The following PRKG1 variants were observed in gnomAD, a reference collection of about 807,000 sequenced individuals.
PRKG1 encodes protein kinase cGMP-dependent 1.
Under a neutral mutation model 88.1 loss-of-function variants are expected in PRKG1, and 35 were observed. That is an observed-to-expected ratio of 0.40 (90% confidence interval 0.30 to 0.53). PRKG1 has a LOEUF of 0.53. Among genes scored for constraint, PRKG1 ranks in the 20% least tolerant of loss-of-function variants. The pLI, the probability that PRKG1 is intolerant of heterozygous loss-of-function variation, is 0.59. For synonymous variants in PRKG1, 303 were observed against 292.5 expected (o/e 1.04, Z -0.37); for missense variants, 540 against 839.8 (o/e 0.64, Z 4.41).
chr10:51,728,276 A>G (rs886530551), intron 3 of PRKG1, among the ~76,000 whole-genome samples: 1 of 152,196 alleles, frequency 6.6e-6, no homozygotes, highest in South Asian at 2.1e-4. Context: ...GATATTGCCT[A>G]TAATGCCCCC....
chr10:52,232,618 G>T (rs2132354374), intron 9 of PRKG1, among the ~76,000 whole-genome samples: 1 of 152,222 alleles, frequency 6.6e-6, no homozygotes, highest in South Asian at 2.1e-4. Flanking sequence ...TTTACATTAA[G>T]GTTGGTTCAT....
At chr10:51,542,312 T>G (rs757205455) in intron 3 of PRKG1, among the ~76,000 whole-genome samples, 1 of 152,168 alleles carries the variant, frequency 6.6e-6, no homozygotes, top group Non-Finnish European at 1.5e-5. Context: ...GTTCCGTGTC[T>G]TGTAAGTCCT....
chr10:51,198,588 A>G (rs1245183505), intron 2 of PRKG1, among the ~76,000 whole-genome samples: 5 of 152,250 alleles, frequency 3.3e-5, no homozygotes, highest in African/African-American at 1.2e-4. Flanking sequence ...TAAAGTATCT[A>G]TGAAAATTGC....
chr10:51,259,618 C>T (rs1458894079), intron 2 of PRKG1, among the ~76,000 whole-genome samples: 4 of 152,068 alleles, frequency 2.6e-5, no homozygotes, highest in South Asian at 2.1e-4. Context: ...GGATTATAGG[C>T]GTGTGTCACC....
intron 9 of PRKG1, among the ~76,000 whole-genome samples, chr10:52,235,500 G>T (rs1840657477): frequency 6.7e-6 from 1 of 150,232 alleles, no homozygotes; most frequent in Non-Finnish European, 1.5e-5. Flanking sequence ...AACAAAAAAA[G>T]GCAGGGGTTG....
intron 9 of PRKG1, among the ~76,000 whole-genome samples, chr10:52,241,174 G>T (rs530633945): frequency 1.3e-5 from 2 of 152,052 alleles, no homozygotes; most frequent in Admixed American, 6.5e-5. Context: ...CCTGTTTTGC[G>T]TACCAGGAGT....
chr10:51,412,799 C>G (rs1454195819), intron 2 of PRKG1, among the ~76,000 whole-genome samples: 1 of 152,074 alleles, frequency 6.6e-6, no homozygotes, highest in African/African-American at 2.4e-5. Flanking sequence ...GTCCCAGTTC[C>G]CCTGTGCTGA....
In PRKG1 at chr10:51,717,756, C is replaced by G. The variant is rs567061064; in HGVS notation, c.593-86829C>G. Among the ~76,000 whole-genome samples the G allele has an allele frequency of 1.5e-4, 23 of 151,410 alleles. No homozygotes were observed. In the South Asian group the frequency reaches 4.6e-3, roughly 30 times the overall value. On this transcript the variant is annotated intron_variant, in intron 3 of 17. Coordinates refer to ENST00000373980, the MANE Select transcript of PRKG1 (RefSeq NM_006258.4). Reference sequence around the variant, plus strand: ...CTGAGGCTGGAGAATGGCGTGAACCCGGGAGGCGGAGCTTCCACTGAGCTG... The same window carrying G: ...CTGAGGCTGGAGAATGGCGTGAACCGGGGAGGCGGAGCTTCCACTGAGCTG...
At chr10:51,392,754 CGG>C in intron 2 of PRKG1, among the ~76,000 whole-genome samples, 1 of 135,220 alleles carries the variant, frequency 7.4e-6, no homozygotes, top group Non-Finnish European at 1.7e-5. Context: ...GCTGGCCGGG[CGG>C]GGGGCTGACC....
At chr10:51,904,796 T>C (rs11000028) in intron 4 of PRKG1, among the ~76,000 whole-genome samples, 38,478 of 151,994 alleles carry the variant, frequency 0.25, 5,569 homozygotes, top group African/African-American at 0.35. Flanking sequence ...TGAAAGATGA[T>C]ATATTTAAAA....
At chr10:51,903,629 C>G (rs1281376669) in intron 4 of PRKG1, among the ~76,000 whole-genome samples, 1 of 151,228 alleles carries the variant, frequency 6.6e-6, no homozygotes, top group Non-Finnish European at 1.5e-5. Context: ...TCCAGACTTT[C>G]AATTTATTTG....
intron 2 of PRKG1, among the ~76,000 whole-genome samples, chr10:51,192,481 G>T (rs1589232770): frequency 1.3e-5 from 2 of 151,976 alleles, no homozygotes; most frequent in East Asian, 3.9e-4. Flanking sequence ...ATGTAGTCTG[G>T]ACTTTTATTT....
intron 2 of PRKG1, among the ~76,000 whole-genome samples, chr10:51,369,224 A>T (rs924340332): frequency 4.6e-5 from 7 of 152,066 alleles, no homozygotes; most frequent in Non-Finnish European, 7.4e-5. Context: ...GAAGAATACC[A>T]TAGACTAGGT....
chr10:51,858,611 T>C (rs1840781636), intron 4 of PRKG1, among the ~76,000 whole-genome samples: 1 of 150,168 alleles, frequency 6.7e-6, no homozygotes, highest in Non-Finnish European at 1.5e-5. Flanking sequence ...ATGTTGTAAC[T>C]GGTACCATAG....
intron 5 of PRKG1, among the ~76,000 whole-genome samples, chr10:52,014,850 C>A (rs1383297875): frequency 6.6e-6 from 1 of 152,210 alleles, no homozygotes; most frequent in Non-Finnish European, 1.5e-5. Context: ...TCTTAAAGCT[C>A]CAAAATAATC....
chr10:51,857,114 A>G (rs1345495759), intron 4 of PRKG1, among the ~76,000 whole-genome samples: 1 of 152,074 alleles, frequency 6.6e-6, no homozygotes, highest in African/African-American at 2.4e-5. Flanking sequence ...GCCTTTTCAC[A>G]TGTCATCTTT....
At chr10:51,031,593 C>T (rs1013621262) in intron 1 of PRKG1, among the ~76,000 whole-genome samples, 11 of 152,262 alleles carry the variant, frequency 7.2e-5, no homozygotes, top group Middle Eastern at 3.4e-3. Flanking sequence ...GCATATTGCT[C>T]TTTACTGTAT....
intron 2 of PRKG1, among the ~76,000 whole-genome samples, chr10:51,450,800 G>C (rs1338231836): frequency 6.6e-6 from 1 of 151,546 alleles, no homozygotes; most frequent in Non-Finnish European, 1.5e-5. Context: ...GAGAAGGAAG[G>C]CTGGAACTTG....
rs570912037 is a variant in PRKG1 at position 51,623,567 on chromosome 10, G to T, written c.592+155731G>T. On this transcript the variant is annotated intron_variant, in intron 3 of 17. Transcript: ENST00000373980. The stretch of plus-strand genomic sequence containing the variant: ...GTACTTAAAATGGCAACTTAGCTTG[G>T]TACAGGTTATGTTACTTTTCATTTT... Among the ~76,000 whole-genome samples, 230 of 152,190 alleles carry T rather than the reference G, an allele frequency of 1.5e-3. 3 individuals carry two copies. The South Asian group carries it at 0.021, about 14-fold the overall frequency.
Sources: allele counts gnomAD v4.1 joint callset (sites outside exome capture counted in the v4.1 genomes callset), GRCh38; gene constraint gnomAD v4.1.1; transcripts MANE v1.5; gene names NCBI Gene and HGNC (gene_info 2026-07-23, HGNC 2026-07-21).